The following MACF1 variants were observed in gnomAD, a reference collection of about 807,000 sequenced individuals.
The protein encoded by MACF1 is microtubule actin crosslinking factor 1.
MACF1 carries 193 observed loss-of-function variants against 854.8 expected under a neutral mutation model. The ratio of observed to expected loss-of-function variants is 0.23; its 90% confidence interval spans 0.20 to 0.25. The LOEUF (loss-of-function observed/expected upper bound fraction) is 0.25. Among genes scored for constraint, MACF1 ranks in the 10% least tolerant of loss-of-function variants. The pLI is 1.00. For synonymous variants in MACF1, 3,185 were observed against 3,226.7 expected (o/e 0.99, Z 0.44); for missense variants, 7,722 against 8,929.1 (o/e 0.86, Z 5.45).
intron 36 of MACF1, among the ~76,000 whole-genome samples, chr1:39,330,130 A>G (rs1441785660): frequency 1.3e-5 from 2 of 152,332 alleles, no homozygotes; most frequent in East Asian, 1.9e-4. Flanking sequence ...AGCTGTAGTC[A>G]TGGTTATTGT....
chr1:39,099,197 C>T (rs1642006429), intron 2 of MACF1, among the ~76,000 whole-genome samples: 1 of 152,128 alleles, frequency 6.6e-6, no homozygotes, highest in African/African-American at 2.4e-5. Context: ...CTCTTGTTGC[C>T]CAGGTTGGAA....
chr1:39,462,617 AG>A (rs1405338814), intron 93 of MACF1, among the ~76,000 whole-genome samples: 4 of 152,078 alleles, frequency 2.6e-5, no homozygotes, highest in African/African-American at 7.2e-5. Context: ...CAGGAGACTG[AG>A]GTGGAAGGAT....
chr1:39,441,293 C>A lies in MACF1; in HGVS notation c.18640C>A (p.Gln6214Lys), dbSNP rs560157599. 34 of 1,614,158 alleles carry A rather than the reference C, an allele frequency of 2.1e-5. No homozygotes were observed. The highest frequency in any genetic ancestry group is 5.0e-5 in the Admixed American group (3 of 60,032). The change falls in exon 74 of 101, where the codon CAA (glutamine) becomes AAA (lysine). Residue 6214 changes from glutamine (Q) to lysine (K), a missense_variant. Physicochemically the swap from Gln to Lys is moderately conservative, Grantham distance 53 (BLOSUM62 1). Around this residue, in one of 15 missense-constraint regions of MACF1, gnomAD observed 2,807 missense variants for 3,235.8 expected, o/e 0.87. Coordinates refer to ENST00000564288, the MANE Select transcript of MACF1 (RefSeq NM_001394062.1). ...ERLEKLEDAM[Q>K]AAVQYQDTLQ... ...GCTAGAAAAACTTGAGGATGCTATG[C>A]AAGCTGCTGTGCAGTATCAGGACAC...
chr1:39,239,455 A>G lies in MACF1; in HGVS notation c.171+8212A>G, dbSNP rs1032786991. On this transcript the variant is annotated intron_variant, in intron 2 of 100. Transcript: ENST00000564288. ...CCTTATTGAGAACACTTCTGATCCA[A>G]TCTTAAAAGAGATTTGTTAAGGATA... 7.2e-5 allele frequency among the ~76,000 whole-genome samples: 11 copies of G among 152,220 alleles called. No homozygotes were observed. The East Asian group carries it at 1.7e-3, about 24-fold the overall frequency.
At chr1:39,252,520 C>T (rs1283629469) in intron 4 of MACF1, among the ~76,000 whole-genome samples, 1 of 152,124 alleles carries the variant, frequency 6.6e-6, no homozygotes. Flanking sequence ...GTGAGGGGTA[C>T]ATATGAGTAA....
chr1:39,123,289 C>T (rs1642767253), intron 2 of MACF1, among the ~76,000 whole-genome samples: 1 of 147,318 alleles, frequency 6.8e-6, no homozygotes, highest in Non-Finnish European at 1.5e-5. Flanking sequence ...CTCACTGCAA[C>T]CTCTATCTCC....
intron 99 of MACF1, among the ~76,000 whole-genome samples, chr1:39,483,463 G>A (rs1215317257): frequency 6.6e-6 from 1 of 152,176 alleles, no homozygotes; most frequent in Non-Finnish European, 1.5e-5. Flanking sequence ...TTGGGGTGTG[G>A]TGATTGTGCA....
At chr1:39,132,325 G>C (rs1310715712) in intron 2 of MACF1, among the ~76,000 whole-genome samples, 2 of 150,830 alleles carry the variant, frequency 1.3e-5, no homozygotes, top group Non-Finnish European at 3.0e-5. Flanking sequence ...TGTTGGAAAA[G>C]GTCCCTGTGG....
chr1:39,115,647 G>A (rs989071678), intron 2 of MACF1, among the ~76,000 whole-genome samples: 1 of 152,154 alleles, frequency 6.6e-6, no homozygotes, highest in African/African-American at 2.4e-5. Flanking sequence ...TGATAGGTGA[G>A]AGGGTGAGAG....
chr1:39,177,716 T>G (rs965292266), intron 2 of MACF1, among the ~76,000 whole-genome samples: 1 of 152,080 alleles, frequency 6.6e-6, no homozygotes, highest in Non-Finnish European at 1.5e-5. Context: ...AAGAGGTAAC[T>G]GGGAAACATC....
At chr1:39,364,682 C>T (rs1569721340) in intron 49 of MACF1, among the ~76,000 whole-genome samples, 1 of 151,602 alleles carries the variant, frequency 6.6e-6, no homozygotes, top group South Asian at 2.1e-4. Context: ...TTAGTAGAGA[C>T]GGGGTTTCAC....
At chr1:39,272,775 A>C (rs1645349429) in intron 6 of MACF1, among the ~76,000 whole-genome samples, 1 of 152,210 alleles carries the variant, frequency 6.6e-6, no homozygotes, top group Admixed American at 6.5e-5. Flanking sequence ...CTATTCACCT[A>C]GTACAGTTAA....
In MACF1 at chr1:39,486,051, T is replaced by G; in HGVS notation, c.*257T>G. On this transcript the variant is annotated 3_prime_UTR_variant, in exon 101 of 101. Transcript: ENST00000564288. The stretch of plus-strand genomic sequence containing the variant: ...TATTTGAGAAAAACAAGTGAAAAGG[T>G]CAAGATACAAATGTGTATTAAAAAA... 1 of 325,122 alleles carries G rather than the reference T, an allele frequency of 3.1e-6. No individual in the cohort carries two copies. The allele number at this position is 325,122 out of a possible 1,614,324, so 20.1% of individuals were successfully genotyped here.
At chr1:39,443,004 G>C (rs1644150443) in intron 78 of MACF1, 93 bp downstream of exon 78, 1 of 1,269,926 alleles carries the variant, frequency 7.9e-7, no homozygotes, top group South Asian at 1.3e-5. Context: ...GAAAAGCAAA[G>C]AATCCCTTAT....
chr1:39,396,319 CA>C (rs1165225801), intron 58 of MACF1, among the ~76,000 whole-genome samples: 2,601 of 81,552 alleles, frequency 0.032, 64 homozygotes, highest in African/African-American at 0.083. Flanking sequence ...GACTCCATCT[CA>C]AAAAAAAAAA....
intron 35 of MACF1, among the ~76,000 whole-genome samples, chr1:39,325,603 G>A (rs1557588532): frequency 6.6e-6 from 1 of 152,208 alleles, no homozygotes; most frequent in Admixed American, 6.5e-5. Flanking sequence ...GATAATTAGA[G>A]AAAGGTCCCA....
rs995186808 is a variant in MACF1, at chr1:39,331,244, G to A, written c.4656G>A (p.Val1552=). The A allele has an allele frequency of 1.2e-6, 2 of 1,603,140 alleles. No individual in the cohort carries two copies. Among genetic ancestry groups the A allele is most frequent in the African/African-American group, 2.8e-5 (2 of 71,372 alleles). ...AVAGVIDLGT[V]EIFPIFKAMQ... ...CTGGGGTGATTGACCTAGGCACAGT[G>A]GAGATATTTCCCATCTTCAAAGCCA... The change falls in exon 37 of 101, where the codon GTG becomes GTA. Residue 1552 remains valine, a synonymous_variant. Coordinates refer to ENST00000564288, the MANE Select transcript of MACF1 (RefSeq NM_001394062.1).
chr1:39,412,461 G>C, intron 58 of MACF1: 1 of 1,614,038 alleles, frequency 6.2e-7, no homozygotes, highest in Non-Finnish European at 8.5e-7. Flanking sequence ...CACTTTTGGA[G>C]GATCAAGCTC....
At chr1:39,378,862 C>T (rs1649942022) in intron 53 of MACF1, among the ~76,000 whole-genome samples, 1 of 152,176 alleles carries the variant, frequency 6.6e-6, no homozygotes, top group Non-Finnish European at 1.5e-5. Flanking sequence ...TAGGTGACTT[C>T]TCTGTAGTTT....
Sources: gnomAD v4.1 joint callset for allele counts (sites outside exome capture counted in the v4.1 genomes callset) on GRCh38, gnomAD v4.1.1 for gene constraint, gnomAD v4.1.1 regional missense constraint, MANE v1.5 for transcripts, NCBI Gene and HGNC (gene_info 2026-07-23, HGNC 2026-07-21) for gene names.